RALGPS2: variants seen among roughly 807,000 people sequenced by gnomAD.
The protein encoded by RALGPS2 is ras-specific guanine nucleotide-releasing factor RalGPS2.
RALGPS2 carries 43 observed loss-of-function variants against 86.8 expected under a neutral mutation model. The ratio of observed to expected loss-of-function variants is 0.50; its 90% confidence interval spans 0.39 to 0.64. The LOEUF (loss-of-function observed/expected upper bound fraction) is 0.64. RALGPS2 is among the 30% of genes least tolerant of loss of function. The pLI is 0.00. For synonymous variants in RALGPS2, 243 were observed against 231.3 expected, an observed-to-expected ratio of 1.05 and a Z score of -0.46; for missense variants, 536 against 694.6, an observed-to-expected ratio of 0.77 and a Z score of 2.57.
intron 8 of RALGPS2, chr1:178,850,856 T>C: frequency 3.6e-6 from 1 of 277,798 alleles, no homozygotes; most frequent in Admixed American, 5.1e-5. Context: ...TGCTTTACAT[T>C]GTGGCAAATA....
At chr1:178,910,507 T>G (rs1047755056) in intron 19 of RALGPS2, among the ~76,000 whole-genome samples, 4 of 152,242 alleles carry the variant, frequency 2.6e-5, no homozygotes, top group Non-Finnish European at 4.4e-5. Flanking sequence ...TTTTTGCATC[T>G]TTTGAGATGA....
intron 8 of RALGPS2, among the ~76,000 whole-genome samples, chr1:178,866,945 G>T (rs1005416532): frequency 2.0e-5 from 3 of 152,062 alleles, no homozygotes; most frequent in African/African-American, 7.2e-5. Flanking sequence ...AAGTAGAATG[G>T]GTAAGGTATG....
intron 8 of RALGPS2, among the ~76,000 whole-genome samples, chr1:178,875,797 G>A (rs1295894599): frequency 6.6e-6 from 1 of 152,084 alleles, no homozygotes; most frequent in East Asian, 1.9e-4. Context: ...TGGGGAAGGA[G>A]CCAGTAGGGG....
chr1:178,817,641 C>G (rs957725156), intron 6 of RALGPS2, among the ~76,000 whole-genome samples: 20 of 152,098 alleles, frequency 1.3e-4, no homozygotes, highest in African/African-American at 4.8e-4. Context: ...AGTAGCTTGT[C>G]AATTTCTACA....
At chr1:178,840,468 A>G (rs1656541865) in intron 8 of RALGPS2, among the ~76,000 whole-genome samples, 1 of 152,226 alleles carries the variant, frequency 6.6e-6, no homozygotes, top group Admixed American at 6.5e-5. Context: ...ACAAAGACAC[A>G]ACATACCAGA....
chr1:178,751,444 G>C (rs1053000467), intron 1 of RALGPS2, among the ~76,000 whole-genome samples: 4 of 152,162 alleles, frequency 2.6e-5, no homozygotes, highest in Non-Finnish European at 5.9e-5. Context: ...ATGGAAGGAA[G>C]TTTTCTTGGA....
intron 1 of RALGPS2, among the ~76,000 whole-genome samples, chr1:178,772,665 T>G (rs1171063243): frequency 6.6e-6 from 1 of 152,192 alleles, no homozygotes; most frequent in African/African-American, 2.4e-5. Flanking sequence ...TGTGGGACAG[T>G]TTACAAATGA....
At chr1:178,759,046 C>T (rs566420142) in intron 1 of RALGPS2, among the ~76,000 whole-genome samples, 27 of 151,830 alleles carry the variant, frequency 1.8e-4, no homozygotes, top group Non-Finnish European at 3.2e-4. Context: ...TGATTGTTTC[C>T]TTTGTTGCGC....
At chr1:178,735,379 CAA>C (rs1182335435) in intron 1 of RALGPS2, among the ~76,000 whole-genome samples, 1 of 151,448 alleles carries the variant, frequency 6.6e-6, no homozygotes, top group Non-Finnish European at 1.5e-5. Context: ...AGAGGAACAA[CAA>C]AGAGGGACCT....
intron 8 of RALGPS2, among the ~76,000 whole-genome samples, chr1:178,852,034 C>T (rs761697677): frequency 6.6e-6 from 1 of 152,088 alleles, no homozygotes; most frequent in Non-Finnish European, 1.5e-5. Flanking sequence ...TTGAATCAAG[C>T]TTTTTTGTTA....
chr1:178,853,836 A>G, intron 8 of RALGPS2: 2 of 1,428,758 alleles, frequency 1.4e-6, no homozygotes, highest in African/African-American at 1.5e-5. Flanking sequence ...ATGAGAAGAG[A>G]CATGTTAAAA....
intron 8 of RALGPS2, chr1:178,865,019 G>A (rs1292187704): frequency 2.0e-6 from 3 of 1,485,184 alleles, no homozygotes; most frequent in East Asian, 4.7e-5. Context: ...TGCCAGATCA[G>A]GTGGTGGCAT....
At chr1:178,760,687 T>A (rs990454450) in intron 1 of RALGPS2, among the ~76,000 whole-genome samples, 2 of 152,186 alleles carry the variant, frequency 1.3e-5, no homozygotes, top group Non-Finnish European at 2.9e-5. Flanking sequence ...CCTTTATACA[T>A]GATCTGACCT....
At chr1:178,746,572 A>G in intron 1 of RALGPS2, 1 of 667,188 alleles carries the variant, frequency 1.5e-6, no homozygotes, top group Non-Finnish European at 2.8e-6. Flanking sequence ...CTGTGAGGCA[A>G]TCTAGAGGGT....
intron 8 of RALGPS2, among the ~76,000 whole-genome samples, chr1:178,857,293 T>C (rs1572410942): frequency 6.6e-6 from 1 of 152,200 alleles, no homozygotes; most frequent in East Asian, 1.9e-4. Flanking sequence ...TATGTAGATA[T>C]GAAACTATGT....
intron 8 of RALGPS2, among the ~76,000 whole-genome samples, chr1:178,863,385 G>GAT (rs1364036928): frequency 8.8e-6 from 1 of 113,522 alleles, no homozygotes; most frequent in Non-Finnish European, 1.8e-5. Context: ...CAAGGAGACA[G>GAT]ACATAAATAA....
At chr1:178,891,127 A>G (rs1007614929) in intron 14 of RALGPS2, among the ~76,000 whole-genome samples, 1 of 152,092 alleles carries the variant, frequency 6.6e-6, no homozygotes, top group Non-Finnish European at 1.5e-5. Flanking sequence ...GACAGTATTT[A>G]ATGATGTTAC....
intron 8 of RALGPS2, among the ~76,000 whole-genome samples, chr1:178,848,757 C>T (rs538763503): frequency 1.9e-4 from 29 of 152,050 alleles, no homozygotes; most frequent in Non-Finnish European, 3.5e-4. Context: ...CTCAGCCTCC[C>T]GAGTAGCTGG....
chr1:178,920,470 C>T lies in RALGPS2; in HGVS notation c.*4111C>T, dbSNP rs1172822151. The T allele has an allele frequency of 6.6e-6, 1 of 151,962 alleles. No individual in the cohort carries two copies. Among genetic ancestry groups the T allele is most frequent in the Non-Finnish European group, 1.5e-5 (1 of 67,892 alleles). 9.4% of individuals were successfully genotyped at this position (151,962 alleles called of 1,614,324 possible). ...TTTCAGGAGTGTGTGCTATCCCTCTCTCCACCAGCTTAATCTTTCTCACCC... is the reference window on the plus strand; with the variant it reads ...TTTCAGGAGTGTGTGCTATCCCTCTTTCCACCAGCTTAATCTTTCTCACCC... On this transcript the variant is annotated 3_prime_UTR_variant, in exon 20 of 20. Transcript: ENST00000367635.
Sources: allele counts gnomAD v4.1 joint callset (sites outside exome capture counted in the v4.1 genomes callset), GRCh38; gene constraint gnomAD v4.1.1; transcripts MANE v1.5; gene names NCBI Gene and HGNC (gene_info 2026-07-23, HGNC 2026-07-21).